Variants in FANCD2OS observed in about 807,000 individuals in gnomAD.
FANCD2OS encodes FANCD2 opposite strand.
Under a neutral mutation model 13.2 loss-of-function variants are expected in FANCD2OS, and 11 were observed. That is an observed-to-expected ratio of 0.83 (90% CI 0.52 to 1.38). The LOEUF is 1.38. Among genes scored for constraint, FANCD2OS ranks in the 40% most tolerant of loss-of-function variants. FANCD2OS has a pLI of 0.00. For synonymous variants in FANCD2OS, 69 were observed against 84.5 expected (o/e 0.82, Z 1.01); for missense variants, 217 against 213.9 (o/e 1.01, Z -0.09).
Position 10,104,351 on chromosome 3 carries a change from C to T in FANCD2OS, c.424G>A (p.Glu142Lys). 5.0e-6 allele frequency: 8 copies of T among 1,614,172 alleles called. No individual in the cohort carries two copies. The highest frequency in any genetic ancestry group is 6.8e-6 in the Non-Finnish European group (8 of 1,180,040). ...GTGACTGTCATCTGAATCTGAGGCT[C>T]CTTCAGTCCAATGGGCCACTGGTGC... ...REHQWPIGLK[E>K]PQIQMTVTMC... Residue 142 changes from glutamate to lysine, a missense_variant, in exon 2 of 2, where the codon GAG (glutamate) becomes AAG (lysine). Physicochemically the swap from Glu to Lys is moderately conservative, Grantham distance 56. Transcript: ENST00000450660.
intron 2 of FANCD2OS, among the ~76,000 whole-genome samples, chr3:10,086,748 G>T (rs544087967): frequency 1.3e-5 from 2 of 152,294 alleles, no homozygotes; most frequent in African/African-American, 2.4e-5. Context: ...AAAGTGCTAG[G>T]ATTACAGGCA....
intron 1 of FANCD2OS, among the ~76,000 whole-genome samples, chr3:10,105,760 AAAAAAAAAAAATT>A (rs1695453903): frequency 4.2e-5 from 3 of 70,610 alleles, no homozygotes; most frequent in Non-Finnish European, 6.6e-5. Flanking sequence ...AAAAAAAAAA[AAAAAAAAAAAATT>A]ATATATATAT....
At chr3:10,105,800 ATATATATATATATATATATATTTT>A (rs1559415260) in intron 1 of FANCD2OS, among the ~76,000 whole-genome samples, 6 of 84,940 alleles carry the variant, frequency 7.1e-5, no homozygotes, top group Admixed American at 4.8e-4. Context: ...ATATATATAT[ATATATATATATATATATATATTTT>A]GAGGTTCGCG....
chr3:10,100,568 C>T (rs1024383551), downstream of FANCD2OS, among the ~76,000 whole-genome samples: 14 of 152,292 alleles, frequency 9.2e-5, no homozygotes, highest in Non-Finnish European at 1.3e-4. Flanking sequence ...GACAGGGTTT[C>T]ACCATGTTGG....
chr3:10,094,721 T>A, intron 2 of FANCD2OS: 1 of 322,170 alleles, frequency 3.1e-6, no homozygotes, highest in South Asian at 3.3e-5. Flanking sequence ...AAAAAAAAGC[T>A]CATTTGTGTC....
downstream of FANCD2OS, among the ~76,000 whole-genome samples, chr3:10,100,532 C>T (rs1251303873): frequency 2.0e-5 from 3 of 152,126 alleles, no homozygotes; most frequent in South Asian, 4.1e-4. Context: ...CAACCATGCC[C>T]GGCTAGTTTT....
chr3:10,091,795 A>G (rs1399196526), intron 2 of FANCD2OS, among the ~76,000 whole-genome samples: 3 of 152,216 alleles, frequency 2.0e-5, no homozygotes, highest in Non-Finnish European at 4.4e-5. Flanking sequence ...CCCAAGACAT[A>G]GAAGAATCAG....
rs866948904 is a variant in FANCD2OS, at chr3:10,092,338, C to T, written c.*44-10807G>A. ...CTTCCAAAATGGACTTTCCTTGCTCCTCTTCCCACTCTTCCTTGGGGCCTG... is the reference window on the plus strand; with the variant it reads ...CTTCCAAAATGGACTTTCCTTGCTCTTCTTCCCACTCTTCCTTGGGGCCTG... On this transcript the variant is annotated intron_variant, in intron 2 of 2. Coordinates refer to the FANCD2OS transcript ENST00000524279. 20 of 962,302 alleles carry T rather than the reference C, an allele frequency of 2.1e-5. No homozygotes were observed. The African/African-American group carries it at 2.7e-4, about 13-fold the overall frequency. 59.6% of individuals were successfully genotyped at this position (962,302 alleles called of 1,614,324 possible).
Position 10,094,794 on chromosome 3 carries a change from CT to C in FANCD2OS, c.*43+9403del, listed in dbSNP as rs1422643684. 4.8e-5 allele frequency: 16 copies of C among 331,324 alleles called. No individual in the cohort carries two copies. In the East Asian group the frequency reaches 1.1e-3, roughly 23 times the overall value. The allele number at this position is 331,324 out of a possible 1,614,324, so 20.5% of individuals were successfully genotyped here. A position where few individuals can be genotyped will look rare whatever the true frequency, so the allele number is the denominator to read the frequency against. On this transcript the variant is annotated intron_variant, in intron 2 of 2. Coordinates refer to the FANCD2OS transcript ENST00000524279. Reference sequence around the variant, plus strand: ...GTTTTTTAGCCAATGGCATCCAGGGCTAGAGTGATGAATTAAGGATAGAATC... The same window carrying C: ...GTTTTTTAGCCAATGGCATCCAGGGCAGAGTGATGAATTAAGGATAGAATC...
downstream of FANCD2OS, chr3:10,101,534 T>G: frequency 2.3e-6 from 1 of 444,030 alleles, no homozygotes; most frequent in Non-Finnish European, 4.2e-6. Flanking sequence ...GACAGGCACA[T>G]GCCACCATGC....
At chr3:10,089,573 G>A (rs1694458746) in intron 2 of FANCD2OS, among the ~76,000 whole-genome samples, 1 of 152,018 alleles carries the variant, frequency 6.6e-6, no homozygotes, top group African/African-American at 2.4e-5. Flanking sequence ...GGGTTCAAAC[G>A]ATTCTCCTAC....
At chr3:10,101,382 T>TC, downstream of FANCD2OS, 1 of 620,490 alleles carries the variant, frequency 1.6e-6, no homozygotes. Context: ...TTCCTCTTTT[T>TC]TTTTTTTTTT....
downstream of FANCD2OS, chr3:10,098,781 T>C (rs1410104090): frequency 1.2e-6 from 2 of 1,614,036 alleles, no homozygotes; most frequent in African/African-American, 1.3e-5. Flanking sequence ...GAGGATGACA[T>C]GTCATCCCAG....
chr3:10,085,800 T>G (rs1174238827), intron 2 of FANCD2OS: 1 of 1,586,696 alleles, frequency 6.3e-7, no homozygotes. Context: ...CCTCTTACCT[T>G]GACTTCCTTA....
rs994778998 is a variant in FANCD2OS at position 10,090,380 on chromosome 3, C to G, written c.*44-8849G>C. 1.9e-6 allele frequency: 3 copies of G among 1,604,200 alleles called. No individual in the cohort carries two copies. Among genetic ancestry groups the G allele is most frequent in the Admixed American group, 1.7e-5 (1 of 59,730 alleles). On this transcript the variant is annotated intron_variant, in intron 2 of 2. Coordinates refer to the FANCD2OS transcript ENST00000524279. ...TGAGCCTGGCACAGCAGCAGACTCG[C>G]AGCAGGTGAGTAAGATAATAGTCAC... is the stretch of plus-strand genomic sequence containing the variant.
intron 2 of FANCD2OS, among the ~76,000 whole-genome samples, chr3:10,091,012 C>T (rs1243914948): frequency 1.3e-5 from 2 of 151,824 alleles, no homozygotes; most frequent in East Asian, 1.9e-4. Context: ...CTAACCAGAA[C>T]GGAGCTAGAC....
intron 2 of FANCD2OS, among the ~76,000 whole-genome samples, chr3:10,092,673 C>G (rs1056526862): frequency 1.3e-5 from 2 of 149,054 alleles, no homozygotes; most frequent in Non-Finnish European, 3.0e-5. Flanking sequence ...GTCTCTCCAC[C>G]TCTTTCATGT....
chr3:10,096,003 T>C (rs368272136), intron 2 of FANCD2OS, among the ~76,000 whole-genome samples: 271 of 152,212 alleles, frequency 1.8e-3, no homozygotes, highest in African/African-American at 6.2e-3. Flanking sequence ...TAAGGAATTC[T>C]CTTAGCTAAA....
chr3:10,101,334 C>T, downstream of FANCD2OS: 1 of 1,072,434 alleles, frequency 9.3e-7, no homozygotes, highest in Non-Finnish European at 1.4e-6. Context: ...AGTTTGAAAT[C>T]CGCTGTTTGC....
Sources: allele counts gnomAD v4.1 joint callset (sites outside exome capture counted in the v4.1 genomes callset), GRCh38; gene constraint gnomAD v4.1.1; transcripts MANE v1.5; gene names NCBI Gene and HGNC (gene_info 2026-07-23, HGNC 2026-07-21).